The following IGSF5 variants were observed in gnomAD, a reference collection of about 807,000 sequenced individuals.
IGSF5 encodes the protein immunoglobulin superfamily member 5, also known as immunoglobulin superfamily 5 like.
IGSF5 carries 41 observed loss-of-function variants against 39.4 expected under a neutral mutation model. That is an observed-to-expected ratio of 1.04 (90% CI 0.81 to 1.35). IGSF5 has a LOEUF of 1.35. Among genes scored for constraint, IGSF5 ranks in the 40% most tolerant of loss-of-function variants. The probability of loss-of-function intolerance (pLI) is 0.00; values close to 1 mark genes in which losing one functional copy is unlikely to be tolerated. For missense variants in IGSF5, 487 were observed against 494.6 expected, an observed-to-expected ratio of 0.98 and a Z score of 0.15; for synonymous variants, 183 against 175.3, an observed-to-expected ratio of 1.04 and a Z score of -0.34.
chr21:39,743,347 A>G (rs915321921), upstream of IGSF5, among the ~76,000 whole-genome samples: 1 of 152,222 alleles, frequency 6.6e-6, no homozygotes, highest in East Asian at 1.9e-4. Context: ...GTAACATTAT[A>G]TCTCTCCATG....
rs530877847 is a variant in IGSF5, at chr21:39,750,670, C to T, written c.100+4372C>T. Among the ~76,000 whole-genome samples, 6 of 152,286 alleles carry T rather than the reference C, an allele frequency of 3.9e-5. No individual in the cohort carries two copies. The South Asian group carries it at 1.2e-3, about 32-fold the overall frequency. The stretch of plus-strand genomic sequence containing the variant: ...GAGCTCTGCCCTATCCACCAGTCCT[C>T]CAGCAAATGCCATGGAAGCCACACT... On this transcript the variant is annotated intron_variant, in intron 2 of 8. Coordinates refer to ENST00000380588, the MANE Select transcript of IGSF5 (RefSeq NM_001080444.2).
At chr21:39,760,451 C>G (rs1601125787) in intron 2 of IGSF5, among the ~76,000 whole-genome samples, 1 of 152,076 alleles carries the variant, frequency 6.6e-6, no homozygotes, top group African/African-American at 2.4e-5. Flanking sequence ...GGTCACTGCA[C>G]ATGTGAGAGC....
At chr21:39,798,936 C>T (rs548532185) in intron 8 of IGSF5, among the ~76,000 whole-genome samples, 1 of 152,294 alleles carries the variant, frequency 6.6e-6, no homozygotes, top group African/African-American at 2.4e-5. Flanking sequence ...GTCTCAGGAG[C>T]AGTGTCATGG....
rs1311960290 is a variant in IGSF5, at chr21:39,801,491, G to T, written c.*134G>T. ...TGAAGAGGAGATGTCGGAGTCATCA[G>T]AACTGATACTTGACAGTGAGAGAAG... On this transcript the variant is annotated 3_prime_UTR_variant, in exon 9 of 9. Transcript: ENST00000380588. 1.8e-6 allele frequency: 1 copy of T among 569,202 alleles called. No homozygotes were observed. Among genetic ancestry groups the T allele is most frequent in the Admixed American group, 2.9e-5 (1 of 34,738 alleles). The allele number at this position is 569,202 out of a possible 1,614,324, so 35.3% of individuals were successfully genotyped here. A position where few individuals can be genotyped will look rare whatever the true frequency, so the allele number is the denominator to read the frequency against.
Position 39,779,247 on chromosome 21 carries a change from TCGTTGTTGTGGCTGCAACTGCTGCTGC to T in IGSF5, c.886_912del (p.Gly296_Cys304del), listed in dbSNP as rs2080157327. 1.2e-6 allele frequency: 2 copies of T among 1,610,624 alleles called. No individual in the cohort carries two copies. The highest frequency in any genetic ancestry group is 2.7e-5 in the African/African-American group (2 of 74,872). The stretch of plus-strand genomic sequence containing the variant: ...CAATACGCTGCTGCTGCTGCCGCCG[TCGTTGTTGTGGCTGCAACTGCTGCTGC>T]CGTTGTTGTTTCTGCTGTAGAAGAA... On this transcript the variant is annotated inframe_deletion, in exon 5 of 9. Transcript: ENST00000380588.
chr21:39,721,165 A>T, the IGSF5 span, among the ~76,000 whole-genome samples: 7 of 152,256 alleles, frequency 4.6e-5, no homozygotes, highest in Non-Finnish European at 8.8e-5. Context: ...GAATACAGGG[A>T]GACTCTGAAG....
At chr21:39,743,602 G>GA (rs2079957188), upstream of IGSF5, among the ~76,000 whole-genome samples, 1 of 137,842 alleles carries the variant, frequency 7.3e-6, no homozygotes, top group Admixed American at 8.2e-5. Context: ...GGGCTGAAGA[G>GA]GGGGTTCTTA....
chr21:39,745,866 A>C (rs1460679406), intron 1 of IGSF5, among the ~76,000 whole-genome samples: 1 of 151,850 alleles, frequency 6.6e-6, no homozygotes, highest in African/African-American at 2.4e-5. Flanking sequence ...AAGTGGTCCA[A>C]TATTACTCAC....
chr21:39,759,115 C>A (rs2080047866), intron 2 of IGSF5, among the ~76,000 whole-genome samples: 1 of 152,114 alleles, frequency 6.6e-6, no homozygotes, highest in Non-Finnish European at 1.5e-5. Flanking sequence ...TTTTAGGTGG[C>A]TAGACAATGT....
chr21:39,731,436 A>G, the IGSF5 span, among the ~76,000 whole-genome samples: 1 of 152,030 alleles, frequency 6.6e-6, no homozygotes, highest in Non-Finnish European at 1.5e-5. Context: ...AGTGTGGGAG[A>G]GTCTGGGAAT....
chr21:39,769,768 T>C (rs1489357606), intron 3 of IGSF5, among the ~76,000 whole-genome samples: 1 of 152,136 alleles, frequency 6.6e-6, no homozygotes, highest in Non-Finnish European at 1.5e-5. Flanking sequence ...AATATGTTAA[T>C]CAAAATTAAC....
At position 39,770,997 on chromosome 21, in the gene IGSF5, A is replaced by C. The variant is rs764028589; in HGVS notation, c.500A>C (p.His167Pro). 6.8e-6 allele frequency: 11 copies of C among 1,613,700 alleles called. No individual in the cohort carries two copies. Among genetic ancestry groups the C allele is most frequent in the Non-Finnish European group, 8.5e-6 (10 of 1,179,854 alleles). ...TGTGAAGTTACTTGTCTACCCTCAC[A>C]CTGGACCCGGCTCCCGGATATTTCC... ...EPCEVTCLPS[H>P]WTRLPDISWE... The change falls in exon 4 of 9, where the codon CAC (histidine) becomes CCC (proline). Residue 167 changes from histidine to proline, a missense_variant. Coordinates refer to ENST00000380588, the MANE Select transcript of IGSF5 (RefSeq NM_001080444.2).
chr21:39,759,169 G>C (rs1014989679), intron 2 of IGSF5, among the ~76,000 whole-genome samples: 1 of 152,202 alleles, frequency 6.6e-6, no homozygotes, highest in Non-Finnish European at 1.5e-5. Flanking sequence ...GAATAAAATG[G>C]AATCAAATAG....
chr21:39,759,367 T>C (rs760320902), intron 2 of IGSF5, among the ~76,000 whole-genome samples: 2 of 152,168 alleles, frequency 1.3e-5, no homozygotes, highest in Non-Finnish European at 2.9e-5. Context: ...AAACATTTGT[T>C]TGTAGAATGG....
rs190014898 is a variant in IGSF5 at position 39,778,994 on chromosome 21, A to G, written c.719-96A>G. On this transcript the variant is annotated intron_variant, in intron 4 of 8. Transcript: ENST00000380588. ...TAGCCATAGCAGGCTGAATAGTTAT[A>G]ATATTACTAGAAAACATAATGCAAC... 5.6e-6 allele frequency: 8 copies of G among 1,436,836 alleles called. No individual in the cohort carries two copies. In the African/African-American group the frequency reaches 1.1e-4, roughly 20 times the overall value. 89.0% of individuals were successfully genotyped at this position (1,436,836 alleles called of 1,614,324 possible). A position where few individuals can be genotyped will look rare whatever the true frequency, so the allele number is the denominator to read the frequency against.
In IGSF5 at chr21:39,792,106, A is replaced by G; in HGVS notation, c.1048+7A>G. 2 of 1,589,218 alleles carry G rather than the reference A, an allele frequency of 1.3e-6. No individual in the cohort carries two copies. Among genetic ancestry groups the G allele is most frequent in the East Asian group, 2.2e-5 (1 of 44,690 alleles). On this transcript the variant is annotated splice_region_variant and intron_variant, in intron 7 of 8. Transcript: ENST00000380588. ...GATGAACAAAAGACCACAGGTGAGT[A>G]GACAAGAGGGGTGGTGAAAAGACCT... is the stretch of plus-strand genomic sequence containing the variant.
chr21:39,737,274 G>C, the IGSF5 span, among the ~76,000 whole-genome samples: 319 of 152,074 alleles, frequency 2.1e-3, 3 homozygotes, highest in African/African-American at 7.1e-3. Context: ...GGGTGGGGTT[G>C]GGGTTCTCCA....
chr21:39,738,745 G>A, the IGSF5 span, among the ~76,000 whole-genome samples: 2 of 151,942 alleles, frequency 1.3e-5, no homozygotes, highest in Admixed American at 1.3e-4. This position sits in a 1 kb window ranked among gnomAD's most constrained non-coding sequence, Gnocchi z 6.4. Context: ...CATTTTGCAA[G>A]GTTTAATCCA....
chr21:39,791,950 A>G, intron 6 of IGSF5, 58 bp from the exon 7 acceptor site: 4 of 1,153,534 alleles, frequency 3.5e-6, no homozygotes, highest in Non-Finnish European at 5.1e-6. Flanking sequence ...ATTGCCAATT[A>G]ACATTTGGCA....
Sources: allele counts gnomAD v4.1 joint callset (sites outside exome capture counted in the v4.1 genomes callset), GRCh38; gene constraint gnomAD v4.1.1; non-coding constraint Gnocchi (gnomAD v3.1); transcripts MANE v1.5; gene names NCBI Gene and HGNC (gene_info 2026-07-23, HGNC 2026-07-21).